Variants in C2CD2 observed in about 807,000 individuals in gnomAD.
C2CD2 encodes the protein C2 domain-containing protein 2.
C2CD2 carries 43 observed loss-of-function variants against 74.3 expected under a neutral mutation model. The ratio of observed to expected loss-of-function variants is 0.58; its 90% CI spans 0.45 to 0.75. C2CD2 has a LOEUF of 0.75. C2CD2 is among the 30% of genes least tolerant of loss of function. C2CD2 has a pLI of 0.00. For synonymous variants in C2CD2, 422 were observed against 390.7 expected (o/e 1.08, Z -0.94); for missense variants, 801 against 916.3 (o/e 0.87, Z 1.63).
At chr21:41,911,474 C>T (rs2053919705) in intron 7 of C2CD2, among the ~76,000 whole-genome samples, 1 of 150,970 alleles carries the variant, frequency 6.6e-6, no homozygotes, top group African/African-American at 2.4e-5. Context: ...TCACTGCAAC[C>T]TCTGAATCCC....
chr21:41,906,221 C>A (rs436791), intron 10 of C2CD2, among the ~76,000 whole-genome samples: 7 of 152,060 alleles, frequency 4.6e-5, no homozygotes, highest in Non-Finnish European at 7.4e-5. Context: ...CAGAATTCAG[C>A]TGGATCTCAA....
chr21:41,889,627 A>G (rs1046678542), intron 13 of C2CD2, among the ~76,000 whole-genome samples: 1 of 132,868 alleles, frequency 7.5e-6, no homozygotes, highest in Non-Finnish European at 1.6e-5. Flanking sequence ...TATATTCCTG[A>G]ATTTTTTTTC....
chr21:41,901,306 A>G (rs2064893381), intron 12 of C2CD2: 1 of 406,204 alleles, frequency 2.5e-6, no homozygotes, highest in Non-Finnish European at 4.6e-6. Flanking sequence ...ACGAGAGCAG[A>G]GGTTCTGTAC....
At chr21:41,918,396 T>C (rs2065116982) in intron 4 of C2CD2, among the ~76,000 whole-genome samples, 169 bp from the exon 5 acceptor site, 1 of 152,184 alleles carries the variant, frequency 6.6e-6, no homozygotes, top group South Asian at 2.1e-4. Context: ...GCCCTGCCCT[T>C]GGAAGCAGCC....
At position 41,892,542 on chromosome 21, in the gene C2CD2, C is replaced by T. The variant is rs978736435; in HGVS notation, c.1871-3198G>A. Reference sequence around the variant, plus strand: ...CATGGAGGAGTGGAGGCGGAGAGGACAGTGAAGCAGCATCCTCAGCCCCGA... The same window carrying T: ...CATGGAGGAGTGGAGGCGGAGAGGATAGTGAAGCAGCATCCTCAGCCCCGA... On this transcript the variant is annotated intron_variant, in intron 13 of 13. Coordinates refer to ENST00000380486, the MANE Select transcript of C2CD2 (RefSeq NM_015500.2). This position sits in a 1 kb window ranked among gnomAD's most constrained non-coding sequence, Gnocchi z 4.6. Among the ~76,000 whole-genome samples the T allele has an allele frequency of 2.0e-5, 3 of 152,168 alleles. No individual in the cohort carries two copies. The highest frequency in any genetic ancestry group is 4.4e-5 in the Non-Finnish European group (3 of 68,030).
chr21:41,894,497 G>A lies in C2CD2; in HGVS notation c.1870+4556C>T, dbSNP rs189393183. 4.9e-4 allele frequency: 193 copies of A among 390,262 alleles called. 1 individual carries two copies. Among genetic ancestry groups the A allele is most frequent in the South Asian group, 2.5e-3 (132 of 52,154 alleles). 24.2% of individuals were successfully genotyped at this position (390,262 alleles called of 1,614,324 possible). A position where few individuals can be genotyped will look rare whatever the true frequency, so the allele number is the denominator to read the frequency against. ...GCTCTTCCATGCTGCTAAGGACAGCGTCTGAGAAGTGGCCAGCCAGGTGTC... is the reference window on the plus strand; with the variant it reads ...GCTCTTCCATGCTGCTAAGGACAGCATCTGAGAAGTGGCCAGCCAGGTGTC... On this transcript the variant is annotated intron_variant, in intron 13 of 13. Transcript: ENST00000380486.
intron 3 of C2CD2, among the ~76,000 whole-genome samples, chr21:41,920,628 A>G (rs2065145178): frequency 6.6e-6 from 1 of 152,246 alleles, no homozygotes; most frequent in Non-Finnish European, 1.5e-5. Context: ...TTGGAGGAAC[A>G]TCAGAGAAGC....
At chr21:41,952,353 G>A (rs548420185) in intron 1 of C2CD2, among the ~76,000 whole-genome samples, 36 of 152,182 alleles carry the variant, frequency 2.4e-4, no homozygotes, top group Non-Finnish European at 1.8e-4. Flanking sequence ...CCAGGCACAG[G>A]GCCCGCCATG....
intron 10 of C2CD2, among the ~76,000 whole-genome samples, chr21:41,906,293 C>T (rs1313334662): frequency 6.6e-6 from 1 of 152,252 alleles, no homozygotes; most frequent in Admixed American, 6.5e-5. Context: ...ACAAGGACCA[C>T]TCACTTTGAA....
intron 1 of C2CD2, 63 bp downstream of exon 1, chr21:41,953,307 C>A (rs2065465325): frequency 7.6e-6 from 9 of 1,188,770 alleles, no homozygotes; most frequent in Non-Finnish European, 1.0e-5. Flanking sequence ...CCAGGAAAGA[C>A]CTCGGCCCGG....
Position 41,892,490 on chromosome 21 carries a change from G to C in C2CD2, c.1871-3146C>G, listed in dbSNP as rs1217059493. 2.6e-5 allele frequency among the ~76,000 whole-genome samples: 4 copies of C among 152,150 alleles called. No individual in the cohort carries two copies. The highest frequency in any genetic ancestry group is 5.9e-5 in the Non-Finnish European group (4 of 68,024). On this transcript the variant is annotated intron_variant, in intron 13 of 13. Coordinates refer to ENST00000380486, the MANE Select transcript of C2CD2 (RefSeq NM_015500.2). This position sits in a 1 kb window ranked among gnomAD's most constrained non-coding sequence, Gnocchi z 4.6. ...CCAGGAACGTCCACCATGTCTTCCT[G>C]TTCAGTCCTTAGAACCCAGGCAGCA...
chr21:41,914,301 A>C (rs971538462), intron 6 of C2CD2, among the ~76,000 whole-genome samples: 2 of 151,696 alleles, frequency 1.3e-5, no homozygotes, highest in African/African-American at 4.9e-5. Flanking sequence ...AGTTAAAAAA[A>C]AAAAAAAAAA....
chr21:41,916,285 G>T (rs1163685578), intron 5 of C2CD2, among the ~76,000 whole-genome samples: 1 of 152,132 alleles, frequency 6.6e-6, no homozygotes. Flanking sequence ...ACATGATTCT[G>T]GGTGTGACTG....
Position 41,942,222 on chromosome 21 carries a change from CT to C in C2CD2, c.302del (p.Glu101GlyfsTer69), listed in dbSNP as rs1375064314. The C allele has an allele frequency of 6.5e-7, 1 of 1,549,776 alleles. No individual in the cohort carries two copies. The stretch of plus-strand genomic sequence containing the variant: ...CCAGTGCCTGCTGCCGCGGGTCCTC[CT>C]CAAAGGACAGGAAAGGTGGGCCCTG... ...RKGGPPFLSFEEDPRQQALEL... is the reference protein window; with the variant it reads ...RKGGPPFLSFXEDPRQQALEL... On this transcript the variant is annotated frameshift_variant, in exon 2 of 14. Coordinates refer to ENST00000380486, the MANE Select transcript of C2CD2 (RefSeq NM_015500.2). LOFTEE classifies it high-confidence loss of function.
chr21:41,951,116 G>T (rs983959216), intron 1 of C2CD2, among the ~76,000 whole-genome samples: 1 of 152,128 alleles, frequency 6.6e-6, no homozygotes, highest in South Asian at 2.1e-4. Context: ...TCACAACAGC[G>T]ATGGCCCAGG....
chr21:41,899,075 C>A lies in C2CD2; in HGVS notation c.1848G>T (p.Pro616=). Reference sequence around the variant, plus strand: ...TACCTTTATGCTTTTTGGCAGTGCCCGGCTCCAAGACACTCATGGAGCTCT... The same window carrying A: ...TACCTTTATGCTTTTTGGCAGTGCCAGGCTCCAAGACACTCATGGAGCTCT... ...LSESSMSVLE[P]GTAKKHKGGI... Residue 616 remains proline, a synonymous_variant, in exon 13 of 14, where the codon CCG becomes CCT. Coordinates refer to ENST00000380486, the MANE Select transcript of C2CD2 (RefSeq NM_015500.2). This position sits in a 1 kb window ranked among gnomAD's most constrained non-coding sequence, Gnocchi z 4.4. 1 of 1,613,696 alleles carries A rather than the reference C, an allele frequency of 6.2e-7. No homozygotes were observed. Among genetic ancestry groups the A allele is most frequent in the Non-Finnish European group, 8.5e-7 (1 of 1,179,918 alleles).
chr21:41,894,740 C>T (rs2064801191), intron 13 of C2CD2: 1 of 456,660 alleles, frequency 2.2e-6, no homozygotes. Context: ...TTCTCAATAG[C>T]AATGGGAAAG....
At chr21:41,941,755 A>G (rs1230645321) in intron 2 of C2CD2, among the ~76,000 whole-genome samples, 16 of 151,968 alleles carry the variant, frequency 1.1e-4, no homozygotes, top group Non-Finnish European at 4.4e-5. Flanking sequence ...GTTACTCTCC[A>G]TTTTCCCCCA....
At chr21:41,941,550 T>C (rs2065354439) in intron 2 of C2CD2, among the ~76,000 whole-genome samples, 1 of 152,246 alleles carries the variant, frequency 6.6e-6, no homozygotes, top group Non-Finnish European at 1.5e-5. Flanking sequence ...AATCTAGATA[T>C]ATCATAAATA....
Sources: gnomAD v4.1 joint callset for allele counts (sites outside exome capture counted in the v4.1 genomes callset) on GRCh38, gnomAD v4.1.1 for gene constraint, Gnocchi (gnomAD v3.1) non-coding constraint, MANE v1.5 for transcripts, NCBI Gene and HGNC (gene_info 2026-07-23, HGNC 2026-07-21) for gene names.